The following APBB2 variants were observed in gnomAD, a reference collection of about 807,000 sequenced individuals.
The protein encoded by APBB2 is Fe65-like 1.
Under a neutral mutation model 82.5 loss-of-function variants are expected in APBB2, and 38 were observed. The ratio of observed to expected loss-of-function variants is 0.46; its 90% CI spans 0.36 to 0.60. The LOEUF (loss-of-function observed/expected upper bound fraction) is 0.60, where lower values mean the gene tolerates loss of function less well. Ranked by LOEUF, APBB2 falls within the 20% of genes least tolerant of loss-of-function variation. The pLI is 0.00. For missense variants in APBB2, 772 were observed against 972.3 expected, an observed-to-expected ratio of 0.79 and a Z score of 2.74; for synonymous variants, 341 against 368.2, an observed-to-expected ratio of 0.93 and a Z score of 0.85.
chr4:40,827,922 A>C (rs1750504246), intron 13 of APBB2, among the ~76,000 whole-genome samples: 1 of 152,116 alleles, frequency 6.6e-6, no homozygotes, highest in Admixed American at 6.6e-5. Context: ...TAACTGAATC[A>C]TAGGGGCAGT....
At position 41,014,405 on chromosome 4, in the gene APBB2, A is replaced by T. The variant is rs773788703; in HGVS notation, c.20-7T>A. The T allele has an allele frequency of 6.9e-6, 11 of 1,600,570 alleles. No individual in the cohort carries two copies. The highest frequency in any genetic ancestry group is 1.3e-5 in the African/African-American group (1 of 74,422). On this transcript the variant is annotated splice_region_variant and splice_polypyrimidine_tract_variant and intron_variant, in intron 5 of 17. Coordinates refer to ENST00000508593, the MANE Select transcript of APBB2 (RefSeq NM_004307.2). Reference sequence around the variant, plus strand: ...GTGTCAACACCTGAGTCAGCTGGGGAAAAAAAAAGTCATTAGACACCTGCC... The same window carrying T: ...GTGTCAACACCTGAGTCAGCTGGGGTAAAAAAAAGTCATTAGACACCTGCC...
chr4:40,970,611 C>T (rs138329504), intron 6 of APBB2, among the ~76,000 whole-genome samples: 1,666 of 152,204 alleles, frequency 0.011, 15 homozygotes, highest in African/African-American at 0.022. Flanking sequence ...ACGGGCTAGA[C>T]TCAGAGTAGT....
chr4:40,924,156 T>A (rs114799238), intron 10 of APBB2, among the ~76,000 whole-genome samples: 2,130 of 152,268 alleles, frequency 0.014, 52 homozygotes, highest in African/African-American at 0.049. Flanking sequence ...AATGAGATGA[T>A]CCTTATTTTC....
chr4:40,828,164 C>T lies in APBB2; in HGVS notation c.1645-945G>A, dbSNP rs375596848. ...GTCTTGGGTATGTCTTTATTAGCAG[C>T]GTGAAAGCCGACTAATACACCTGCC... is the stretch of plus-strand genomic sequence containing the variant. On this transcript the variant is annotated intron_variant, in intron 13 of 17. Transcript: ENST00000508593. Among the ~76,000 whole-genome samples, 11 of 152,240 alleles carry T rather than the reference C, an allele frequency of 7.2e-5. No individual in the cohort carries two copies. The South Asian group carries it at 2.3e-3, about 32-fold the overall frequency.
At chr4:40,936,839 C>T (rs1785492905) in intron 7 of APBB2, among the ~76,000 whole-genome samples, 1 of 152,158 alleles carries the variant, frequency 6.6e-6, no homozygotes, top group Non-Finnish European at 1.5e-5. Flanking sequence ...AATTAATAAC[C>T]TAGGGCAATC....
At chr4:41,088,367 C>T (rs1740555846) in intron 3 of APBB2, among the ~76,000 whole-genome samples, 1 of 152,214 alleles carries the variant, frequency 6.6e-6, no homozygotes, top group South Asian at 2.1e-4. Context: ...TCACCCCTGC[C>T]CTAGCAAAGG....
chr4:41,173,337 C>A (rs956354660), intron 1 of APBB2, among the ~76,000 whole-genome samples: 6 of 152,116 alleles, frequency 3.9e-5, no homozygotes, highest in African/African-American at 1.4e-4. Context: ...ACTGTAACAG[C>A]AGCTAAATTC....
At chr4:40,858,029 A>G (rs1223821637) in intron 12 of APBB2, among the ~76,000 whole-genome samples, 1 of 151,960 alleles carries the variant, frequency 6.6e-6, no homozygotes, top group East Asian at 1.9e-4. Flanking sequence ...TGTAATCCCT[A>G]CCTCTTTTAA....
intron 6 of APBB2, among the ~76,000 whole-genome samples, chr4:40,961,169 A>G (rs1272264480): frequency 2.0e-5 from 3 of 152,106 alleles, no homozygotes; most frequent in South Asian, 2.1e-4. Flanking sequence ...TTTTATTGTA[A>G]TAAGTCACAG....
Position 41,127,342 on chromosome 4 carries a change from G to GA in APBB2, c.-261+15644dup, listed in dbSNP as rs1162203157. ...TTGTACTGCGACAATACAACACAAGGAAAAAAAAATCAAAGCATTCACTTG... is the reference window on the plus strand; with the variant it reads ...TTGTACTGCGACAATACAACACAAGGAAAAAAAAAATCAAAGCATTCACTTG... On this transcript the variant is annotated intron_variant, in intron 2 of 17. Coordinates refer to ENST00000508593, the MANE Select transcript of APBB2 (RefSeq NM_004307.2). The surrounding 1 kb of genome is among the most constrained non-coding windows in gnomAD (Gnocchi z 4.8). Among the ~76,000 whole-genome samples the GA allele has an allele frequency of 9.9e-5, 15 of 151,048 alleles. No individual in the cohort carries two copies. The South Asian group carries it at 1.0e-3, about 11-fold the overall frequency.
chr4:41,037,305 A>C (rs1267525057), intron 4 of APBB2, among the ~76,000 whole-genome samples: 1 of 152,192 alleles, frequency 6.6e-6, no homozygotes, highest in African/African-American at 2.4e-5. Context: ...AAAATGTAAA[A>C]TGTCTAATAA....
chr4:40,904,538 C>G (rs1009232014), intron 10 of APBB2, among the ~76,000 whole-genome samples: 3 of 151,960 alleles, frequency 2.0e-5, no homozygotes, highest in African/African-American at 7.2e-5. Flanking sequence ...AAAAAACAGG[C>G]AAGCTTTTCA....
intron 10 of APBB2, among the ~76,000 whole-genome samples, chr4:40,923,954 A>T (rs1162066202): frequency 6.6e-6 from 1 of 152,222 alleles, no homozygotes; most frequent in Non-Finnish European, 1.5e-5. Flanking sequence ...TTAGAAACAC[A>T]AAAGCTGTCC....
chr4:40,838,329 ATTT>A (rs780767835), intron 12 of APBB2, among the ~76,000 whole-genome samples: 1 of 72,272 alleles, frequency 1.4e-5, no homozygotes, highest in African/African-American at 5.9e-5. Flanking sequence ...CACATGGCTA[ATTT>A]TTTTTTTTTT....
At chr4:41,179,584 T>A (rs1198832602) in intron 1 of APBB2, among the ~76,000 whole-genome samples, 1 of 152,180 alleles carries the variant, frequency 6.6e-6, no homozygotes, top group African/African-American at 2.4e-5. Flanking sequence ...CGCTTCTAGA[T>A]TACCAGCCCA....
chr4:40,855,687 G>A (rs1760966273), intron 12 of APBB2, among the ~76,000 whole-genome samples: 1 of 151,872 alleles, frequency 6.6e-6, no homozygotes, highest in Non-Finnish European at 1.5e-5. Flanking sequence ...AGTGAGCCGA[G>A]ATTGTGCCAC....
intron 1 of APBB2, among the ~76,000 whole-genome samples, chr4:41,152,210 G>C (rs1762433104): frequency 6.6e-6 from 1 of 151,512 alleles, no homozygotes; most frequent in Non-Finnish European, 1.5e-5. Flanking sequence ...GTGATTACAT[G>C]TTTTCTTTCT....
rs114775065 is a variant in APBB2, at chr4:41,136,277, G to A, written c.-261+6710C>T. On this transcript the variant is annotated intron_variant, in intron 2 of 17. Transcript: ENST00000508593. ...AACATTATACTACACTCCTCATGGAGTCATTCTGTGAATAGGTCACAAAGA... is the reference window on the plus strand; with the variant it reads ...AACATTATACTACACTCCTCATGGAATCATTCTGTGAATAGGTCACAAAGA... 6.1e-3 allele frequency among the ~76,000 whole-genome samples: 935 copies of A among 152,252 alleles called. 9 individuals are homozygous for A. The highest frequency in any genetic ancestry group is 0.019 in the African/African-American group (777 of 41,546).
At chr4:40,980,494 C>T (rs1341533836) in intron 6 of APBB2, among the ~76,000 whole-genome samples, 3 of 152,092 alleles carry the variant, frequency 2.0e-5, no homozygotes, top group Admixed American at 2.0e-4. Flanking sequence ...AGGAAGAATG[C>T]CCACACAGGA....
Sources: gnomAD v4.1 joint callset for allele counts (sites outside exome capture counted in the v4.1 genomes callset) on GRCh38, gnomAD v4.1.1 for gene constraint, Gnocchi (gnomAD v3.1) non-coding constraint, MANE v1.5 for transcripts, NCBI Gene and HGNC (gene_info 2026-07-23, HGNC 2026-07-21) for gene names.